SRPK2: variants seen among roughly 807,000 people sequenced by gnomAD.
The protein encoded by SRPK2 is SFRS protein kinase 2.
A neutral mutation model predicts 90.8 loss-of-function variants in SRPK2; 21 were observed. The ratio of observed to expected loss-of-function variants is 0.23; its 90% CI spans 0.16 to 0.33. The LOEUF (loss-of-function observed/expected upper bound fraction) is 0.33, where lower values mean the gene tolerates loss of function less well. Ranked by LOEUF, SRPK2 falls within the 10% of genes least tolerant of loss-of-function variation. SRPK2 has a pLI of 1.00. For synonymous variants in SRPK2, 288 were observed against 311.1 expected (o/e 0.93, Z 0.78); for missense variants, 620 against 869.0 (o/e 0.71, Z 3.60).
intron 2 of SRPK2, among the ~76,000 whole-genome samples, chr7:105,234,154 G>A (rs1197446827): frequency 2.6e-5 from 4 of 152,152 alleles, no homozygotes; most frequent in African/African-American, 7.2e-5. Flanking sequence ...TAAGGTAAAT[G>A]AGACTGATTA....
At position 105,285,885 on chromosome 7, in the gene SRPK2, C is replaced by T. The variant is rs572398186; in HGVS notation, c.72-82100G>A. On this transcript the variant is annotated intron_variant, in intron 2 of 15. Coordinates refer to ENST00000393651, the MANE Select transcript of SRPK2 (RefSeq NM_182692.3). Reference sequence around the variant, plus strand: ...AAAAATTACCCAGCCTCAGGTATTCCGTTATAGCAATGCAAGAACTGCCTA... The same window carrying T: ...AAAAATTACCCAGCCTCAGGTATTCTGTTATAGCAATGCAAGAACTGCCTA... 2.0e-5 allele frequency among the ~76,000 whole-genome samples: 3 copies of T among 152,242 alleles called. No individual in the cohort carries two copies. The East Asian group carries it at 5.8e-4, about 29-fold the overall frequency.
At chr7:105,188,907 A>G (rs1793924971) in intron 3 of SRPK2, among the ~76,000 whole-genome samples, 1 of 152,210 alleles carries the variant, frequency 6.6e-6, no homozygotes, top group African/African-American at 2.4e-5. Flanking sequence ...AAAGACTTGC[A>G]AGAGTGTTCC....
chr7:105,334,138 G>A (rs1013611854), intron 2 of SRPK2, among the ~76,000 whole-genome samples: 1 of 152,126 alleles, frequency 6.6e-6, no homozygotes, highest in Admixed American at 6.6e-5. Flanking sequence ...CTGGAGTGCA[G>A]TGGCGCAATC....
intron 2 of SRPK2, among the ~76,000 whole-genome samples, chr7:105,335,758 A>G: frequency 6.6e-6 from 1 of 151,976 alleles, no homozygotes; most frequent in Non-Finnish European, 1.5e-5. Flanking sequence ...GTTCAAGACC[A>G]GGCTGACCAA....
chr7:105,154,468 C>T (rs1806195450), intron 7 of SRPK2, among the ~76,000 whole-genome samples: 1 of 152,080 alleles, frequency 6.6e-6, no homozygotes, highest in South Asian at 2.1e-4. Context: ...ATAAACAGGG[C>T]CACTGAAAGA....
At chr7:105,232,807 G>T (rs1284235217) in intron 2 of SRPK2, among the ~76,000 whole-genome samples, 3 of 152,020 alleles carry the variant, frequency 2.0e-5, no homozygotes, top group Admixed American at 6.6e-5. Context: ...GAGGTCAAGA[G>T]ATCGAGACCA....
chr7:105,360,054 G>A (rs528497400), intron 2 of SRPK2, among the ~76,000 whole-genome samples: 66 of 152,116 alleles, frequency 4.3e-4, no homozygotes, highest in Non-Finnish European at 8.2e-4. Flanking sequence ...TTATGAATCT[G>A]GATGTTCCTG....
At position 105,259,430 on chromosome 7, in the gene SRPK2, A is replaced by G. The variant is rs527389274; in HGVS notation, c.72-55645T>C. The stretch of plus-strand genomic sequence containing the variant: ...CATTCCATATTCATGGATAGGAAGA[A>G]TCAATATCGTGAAAATGGCCACACG... On this transcript the variant is annotated intron_variant, in intron 2 of 15. Transcript: ENST00000393651. Among the ~76,000 whole-genome samples the G allele has an allele frequency of 3.4e-4, 52 of 152,368 alleles. 1 individual carries two copies. The South Asian group carries it at 4.6e-3, about 13-fold the overall frequency.
intron 2 of SRPK2, among the ~76,000 whole-genome samples, chr7:105,261,878 C>A (rs1804341293): frequency 6.6e-6 from 1 of 152,056 alleles, no homozygotes; most frequent in Non-Finnish European, 1.5e-5. Flanking sequence ...TTGATACAGG[C>A]AGAGCTTCCT....
chr7:105,273,139 C>T (rs1312066817), intron 2 of SRPK2, among the ~76,000 whole-genome samples: 15 of 151,732 alleles, frequency 9.9e-5, no homozygotes, highest in African/African-American at 2.9e-4. Flanking sequence ...GGCATGAACC[C>T]GGGAGGCGGA....
At chr7:105,327,008 A>T (rs1813668608) in intron 2 of SRPK2, among the ~76,000 whole-genome samples, 1 of 151,642 alleles carries the variant, frequency 6.6e-6, no homozygotes, top group Non-Finnish European at 1.5e-5. Context: ...GGCTGCATAA[A>T]GCTGAGATCG....
At chr7:105,262,951 C>A (rs1030049918) in intron 2 of SRPK2, among the ~76,000 whole-genome samples, 1 of 152,126 alleles carries the variant, frequency 6.6e-6, no homozygotes, top group Non-Finnish European at 1.5e-5. Context: ...TGACAATACC[C>A]ACTAAAACTC....
intron 2 of SRPK2, among the ~76,000 whole-genome samples, chr7:105,231,790 T>C (rs146132951): frequency 1.5e-3 from 226 of 152,360 alleles, no homozygotes; most frequent in Middle Eastern, 3.4e-3. Context: ...TTAAGTTCTT[T>C]ATAGATGCTG....
chr7:105,187,904 A>AGGT (rs1226958327), intron 3 of SRPK2, among the ~76,000 whole-genome samples: 2 of 152,228 alleles, frequency 1.3e-5, no homozygotes, highest in Non-Finnish European at 2.9e-5. Flanking sequence ...AAAGGGACAA[A>AGGT]GGTGAGTAAA....
At chr7:105,335,163 C>T (rs747917098) in intron 2 of SRPK2, among the ~76,000 whole-genome samples, 5 of 152,126 alleles carry the variant, frequency 3.3e-5, no homozygotes, top group African/African-American at 7.2e-5. Context: ...AAGAGCAAGA[C>T]TCCGTCTCAA....
chr7:105,172,320 AAACTATAATAT>A (rs1241613920), intron 3 of SRPK2, among the ~76,000 whole-genome samples: 1 of 152,262 alleles, frequency 6.6e-6, no homozygotes, highest in Non-Finnish European at 1.5e-5. Context: ...AAACAAAAAT[AAACTATAATAT>A]ACTGCAGGTG....
At chr7:105,251,542 A>G (rs1802482469) in intron 2 of SRPK2, among the ~76,000 whole-genome samples, 1 of 152,174 alleles carries the variant, frequency 6.6e-6, no homozygotes, top group Non-Finnish European at 1.5e-5. Context: ...CTGAACAGCA[A>G]CAACAAAAAT....
intron 5 of SRPK2, 90 bp from the exon 6 acceptor site, chr7:105,167,554 AT>A (rs1006042671): frequency 2.2e-5 from 14 of 642,548 alleles, no homozygotes; most frequent in Non-Finnish European, 3.3e-5. Context: ...AAATAAAAGT[AT>A]ATTTTAAAAT....
upstream of SRPK2, among the ~76,000 whole-genome samples, chr7:105,393,459 C>CTTTTTT (rs58162170): frequency 1.2e-5 from 1 of 81,208 alleles, no homozygotes. Context: ...TCTGGTTTTT[C>CTTTTTT]TTTTTTTTTT....
Sources: allele counts gnomAD v4.1 joint callset (sites outside exome capture counted in the v4.1 genomes callset), GRCh38; gene constraint gnomAD v4.1.1; transcripts MANE v1.5; gene names NCBI Gene and HGNC (gene_info 2026-07-23, HGNC 2026-07-21).